Variants in SCN9A observed in about 807,000 individuals in gnomAD.
SCN9A encodes sodium voltage-gated channel alpha subunit 9.
Under a neutral mutation model 187.0 loss-of-function variants are expected in SCN9A, and 131 were observed. The observed-to-expected ratio is 0.70, with a 90% CI of 0.61 to 0.81. The LOEUF (loss-of-function observed/expected upper bound fraction) is 0.81. SCN9A is among the 30% of genes least tolerant of loss of function. The pLI, the probability that SCN9A is intolerant of heterozygous loss-of-function variation, is 0.00. For missense variants in SCN9A, 2,252 were observed against 2,396.6 expected (o/e 0.94, Z 1.26); for synonymous variants, 809 against 808.6 (o/e 1.00, Z -0.01).
At chr2:166,319,964 T>A (rs1699198537) in intron 1 of SCN9A, among the ~76,000 whole-genome samples, 1 of 152,022 alleles carries the variant, frequency 6.6e-6, no homozygotes, top group South Asian at 2.1e-4. Context: ...CCCATAGAAT[T>A]ACTTAGAAAT....
At chr2:166,288,018 T>C (rs1296720798) in intron 10 of SCN9A, among the ~76,000 whole-genome samples, 2 of 147,158 alleles carry the variant, frequency 1.4e-5, no homozygotes, top group African/African-American at 4.9e-5. Flanking sequence ...TATCTGACTA[T>C]ATTATTTAAT....
chr2:166,368,022 G>T (rs546961299), intron 1 of SCN9A, among the ~76,000 whole-genome samples: 1 of 152,154 alleles, frequency 6.6e-6, no homozygotes, highest in Admixed American at 6.5e-5. Context: ...GCTTGGTAGC[G>T]TAACCACCAG....
At chr2:166,231,788 T>C (rs1236617666) in intron 21 of SCN9A, among the ~76,000 whole-genome samples, 1 of 151,952 alleles carries the variant, frequency 6.6e-6, no homozygotes, top group Admixed American at 6.6e-5. Context: ...CCTGACCTCA[T>C]GATCCGTCCG....
In SCN9A at chr2:166,355,217, C is replaced by T. The variant is rs548057554; in HGVS notation, c.-51+20480G>A. Among the ~76,000 whole-genome samples, 123 of 152,132 alleles carry T rather than the reference C, an allele frequency of 8.1e-4. 1 individual carries two copies. The highest frequency in any genetic ancestry group is 6.8e-3 in the Middle Eastern group (2 of 294). Reference sequence around the variant, plus strand: ...CTCTTGGCAGCACTGGGATAACAGGCATGAGCCACCACACCCAACCTGTCT... The same window carrying T: ...CTCTTGGCAGCACTGGGATAACAGGTATGAGCCACCACACCCAACCTGTCT... On this transcript the variant is annotated intron_variant, in intron 1 of 26. Coordinates refer to ENST00000642356, the MANE Select transcript of SCN9A (RefSeq NM_001365536.1).
chr2:166,271,196 G>A (rs1360556352), intron 17 of SCN9A, among the ~76,000 whole-genome samples: 2 of 118,618 alleles, frequency 1.7e-5, no homozygotes, highest in Non-Finnish European at 4.0e-5. Flanking sequence ...AAAATTGTTT[G>A]CGGTTCAAAA....
chr2:166,237,813 A>T (rs942588643), intron 20 of SCN9A, among the ~76,000 whole-genome samples: 3 of 152,134 alleles, frequency 2.0e-5, no homozygotes, highest in Admixed American at 6.6e-5. Context: ...CATATTTTTT[A>T]AAAAATCACA....
chr2:166,282,448 C>CA (rs564891021), intron 12 of SCN9A, among the ~76,000 whole-genome samples: 235 of 152,176 alleles, frequency 1.5e-3, no homozygotes, highest in African/African-American at 5.4e-3. Context: ...TGTTGCCATG[C>CA]AAAAACATGA....
At chr2:166,372,376 G>C (rs1437922146) in intron 1 of SCN9A, among the ~76,000 whole-genome samples, 1 of 152,062 alleles carries the variant, frequency 6.6e-6, no homozygotes, top group Non-Finnish European at 1.5e-5. Flanking sequence ...GCTCACATAA[G>C]CATCTATGTT....
intron 21 of SCN9A, among the ~76,000 whole-genome samples, chr2:166,231,798 G>A (rs369560162): frequency 6.6e-6 from 1 of 151,788 alleles, no homozygotes; most frequent in Non-Finnish European, 1.5e-5. Flanking sequence ...TGATCCGTCC[G>A]TCTTTTTAAT....
chr2:166,199,013 A>C lies in SCN9A; in HGVS notation c.5626T>G (p.Ser1876Ala), dbSNP rs1255439531. The change falls in exon 27 of 27, where the codon TCC (serine) becomes GCC (alanine). Residue 1876 changes from serine to alanine, a missense_variant. Ser to Ala is a moderately conservative substitution (Grantham distance 99, BLOSUM62 1). This residue lies in a region of SCN9A where 345 missense variants were observed against 344.6 expected (regional missense o/e 1.00). Transcript: ENST00000642356. The stretch of plus-strand genomic sequence containing the variant: ...AGTGTGGTTGTGATGGGTTCATAGG[A>C]CACTTTGGAAGGATTTGCAGACATG... ...RFMSANPSKVSYEPITTTLKR... is the reference protein window; with the variant it reads ...RFMSANPSKVAYEPITTTLKR... 6.2e-7 allele frequency: 1 copy of C among 1,613,928 alleles called. No individual in the cohort carries two copies. Among genetic ancestry groups the C allele is most frequent in the East Asian group, 2.2e-5 (1 of 44,894 alleles).
rs548105772 is a variant in SCN9A, at chr2:166,232,628, A to T, written c.3924+712T>A. 2.0e-5 allele frequency among the ~76,000 whole-genome samples: 3 copies of T among 151,954 alleles called. 1 individual carries two copies. The South Asian group carries it at 6.2e-4, about 32-fold the overall frequency. On this transcript the variant is annotated intron_variant, in intron 21 of 26. Transcript: ENST00000642356. ...GAAGATTTCCATTTAATATGAAAAA[A>T]GTCACTCATTTGGATCATTCTATTG... is the stretch of plus-strand genomic sequence containing the variant.
At chr2:166,344,530 G>A (rs10497283) in intron 1 of SCN9A, among the ~76,000 whole-genome samples, 33,285 of 152,026 alleles carry the variant, frequency 0.22, 4,518 homozygotes, top group African/African-American at 0.38. Context: ...CCTTGCAAGA[G>A]TACTGGGCTT....
At chr2:166,328,535 T>C (rs1559044265) in intron 1 of SCN9A, among the ~76,000 whole-genome samples, 1 of 152,124 alleles carries the variant, frequency 6.6e-6, no homozygotes, top group Non-Finnish European at 1.5e-5. Context: ...GTTAAAAAGA[T>C]GAACGTAAAA....
In SCN9A at chr2:166,228,957, G is replaced by C; in HGVS notation, c.3940C>G (p.Leu1314Val). The C allele has an allele frequency of 6.2e-7, 1 of 1,612,796 alleles. No homozygotes were observed. Among genetic ancestry groups the C allele is most frequent in the Non-Finnish European group, 8.5e-7 (1 of 1,178,938 alleles). The change falls in exon 22 of 27, where the codon CTC becomes GTC. Residue 1314 changes from leucine to valine, a missense_variant. Physicochemically the swap from Leu to Val is conservative, Grantham distance 32 (BLOSUM62 1). Coordinates refer to ENST00000642356, the MANE Select transcript of SCN9A (RefSeq NM_001365536.1). ...FEGMRVVVNA[L>V]IGAIPSIMNV... ...ATGATGGAAGGAATTGCTCCTATGA[G>C]TGCATTCACAACGACCTAGTATTCA... is the stretch of plus-strand genomic sequence containing the variant.
intron 17 of SCN9A, among the ~76,000 whole-genome samples, chr2:166,266,870 T>C (rs1401791357): frequency 1.3e-5 from 2 of 151,942 alleles, no homozygotes; most frequent in Non-Finnish European, 2.9e-5. Flanking sequence ...TGTTAACATA[T>C]AGAAATAATA....
At chr2:166,298,235 G>GT (rs551225398) in intron 7 of SCN9A, among the ~76,000 whole-genome samples, 115 of 152,268 alleles carry the variant, frequency 7.6e-4, no homozygotes, top group African/African-American at 2.4e-3. Flanking sequence ...CAATATTGCG[G>GT]TTTTTTCAAA....
chr2:166,321,694 A>G (rs1212472448), intron 1 of SCN9A, among the ~76,000 whole-genome samples: 2 of 152,066 alleles, frequency 1.3e-5, no homozygotes, highest in Non-Finnish European at 2.9e-5. Context: ...GGTAAAAAAA[A>G]GTTTTTCAAT....
At position 166,231,548 on chromosome 2, in the gene SCN9A, C is replaced by CTTTTTTTT. The variant is rs57067738; in HGVS notation, c.3924+1784_3924+1791dup. The stretch of plus-strand genomic sequence containing the variant: ...GTCTGGGGTGAGATCCAAGAATTTG[C>CTTTTTTTT]TTTTTTTTTTTTTTTTTTTTTGATA... On this transcript the variant is annotated intron_variant, in intron 21 of 26. Coordinates refer to ENST00000642356, the MANE Select transcript of SCN9A (RefSeq NM_001365536.1). 5.9e-4 allele frequency among the ~76,000 whole-genome samples: 58 copies of CTTTTTTTT among 99,064 alleles called. 2 individuals carry two copies. The highest frequency in any genetic ancestry group is 2.2e-3 in the African/African-American group (53 of 24,586). The allele number at this position is 99,064 out of a possible 152,430, so 65.0% of individuals were successfully genotyped here.
At chr2:166,199,896 T>C (rs1401951977) in intron 26 of SCN9A, 32 bp from the exon 27 acceptor site, 2 of 1,483,520 alleles carry the variant, frequency 1.3e-6, no homozygotes, top group Non-Finnish European at 1.8e-6. Flanking sequence ...AGAAATAAAA[T>C]ATTTAAAGAT....
Sources: allele counts gnomAD v4.1 joint callset (sites outside exome capture counted in the v4.1 genomes callset), GRCh38; gene constraint gnomAD v4.1.1; regional missense constraint gnomAD v4.1.1; transcripts MANE v1.5; gene names NCBI Gene and HGNC (gene_info 2026-07-23, HGNC 2026-07-21).